Variants in YAF2 observed in about 807,000 individuals in gnomAD.
The protein encoded by YAF2 is YY1 associated factor 2.
YAF2 carries 7 observed loss-of-function variants against 20.1 expected under a neutral mutation model. The observed-to-expected ratio is 0.35, with a 90% confidence interval of 0.20 to 0.65. The LOEUF (loss-of-function observed/expected upper bound fraction) is 0.65. Ranked by LOEUF, YAF2 falls within the 30% of genes least tolerant of loss-of-function variation. The probability of loss-of-function intolerance (pLI) is 0.69; values close to 1 mark genes in which losing one functional copy is unlikely to be tolerated. For synonymous variants in YAF2, 74 were observed against 76.0 expected (o/e 0.97, Z 0.14); for missense variants, 151 against 219.2 (o/e 0.69, Z 1.96).
intron 2 of YAF2, among the ~76,000 whole-genome samples, chr12:42,177,188 T>C (rs1224955625): frequency 6.6e-6 from 1 of 152,192 alleles, no homozygotes; most frequent in East Asian, 1.9e-4. Context: ...CACAAGTCTC[T>C]ATGTGATATA....
chr12:42,205,294 T>C (rs1243841959), intron 2 of YAF2, among the ~76,000 whole-genome samples: 1 of 152,116 alleles, frequency 6.6e-6, no homozygotes, highest in Non-Finnish European at 1.5e-5. Flanking sequence ...GTCTCATCTA[T>C]TTTTCTTGGG....
chr12:42,168,697 A>G (rs2136983692), intron 2 of YAF2, among the ~76,000 whole-genome samples: 1 of 152,366 alleles, frequency 6.6e-6, no homozygotes, highest in East Asian at 1.9e-4. Flanking sequence ...ATTCACAGGA[A>G]CAAGCCACTG....
At chr12:42,220,420 A>G (rs2067479288) in intron 2 of YAF2, among the ~76,000 whole-genome samples, 1 of 152,254 alleles carries the variant, frequency 6.6e-6, no homozygotes, top group Admixed American at 6.5e-5. Flanking sequence ...CATAAAACAT[A>G]AAAGATTTTC....
rs73283707 is a variant in YAF2 at position 42,232,672 on chromosome 12, C to A, written c.152+4927G>T. The A allele has an allele frequency of 5.2e-3, 5,116 of 985,290 alleles. 208 individuals carry two copies. In the African/African-American group the frequency reaches 0.084, roughly 16 times the overall value. The allele number at this position is 985,290 out of a possible 1,614,324, so 61.0% of individuals were successfully genotyped here. On this transcript the variant is annotated intron_variant, in intron 2 of 3. Transcript: ENST00000534854. ...TTTCTCCCATTCCTACACCAAAAGT[C>A]TAGAAGAATCAGTGCCAAACCTCAA...
chr12:42,161,770 G>T lies in YAF2; in HGVS notation c.153-5C>A, dbSNP rs1212127455. The T allele has an allele frequency of 1.3e-6, 2 of 1,587,826 alleles. No homozygotes were observed. The highest frequency in any genetic ancestry group is 2.7e-5 in the African/African-American group (2 of 73,182). On this transcript the variant is annotated splice_region_variant and splice_polypyrimidine_tract_variant and intron_variant, in intron 2 of 3. Transcript: ENST00000534854. ...TGGGAGACAGGTCGAGGTTTCCTGT[G>T]TGCATGTTAAAAAGAAAGGTATTTT...
chr12:42,218,185 AACACACACACACACACACAC>A (rs71883885), intron 2 of YAF2, among the ~76,000 whole-genome samples: 4 of 140,608 alleles, frequency 2.8e-5, no homozygotes, highest in African/African-American at 1.0e-4. Flanking sequence ...GCTACTAGGA[AACACACACACACACACACAC>A]ACACACACAC....
chr12:42,215,481 T>C (rs2067326702), intron 2 of YAF2, among the ~76,000 whole-genome samples: 1 of 152,094 alleles, frequency 6.6e-6, no homozygotes, highest in South Asian at 2.1e-4. Context: ...ACAAATGAAG[T>C]TTTAAAATAT....
intron 2 of YAF2, among the ~76,000 whole-genome samples, chr12:42,166,814 G>A (rs1464357979): frequency 1.4e-5 from 2 of 147,380 alleles, no homozygotes; most frequent in Non-Finnish European, 3.0e-5. Context: ...ATTCTCAAAT[G>A]TGTTCAATGA....
At position 42,161,776 on chromosome 12, in the gene YAF2, G is replaced by A; in HGVS notation, c.153-11C>T. The A allele has an allele frequency of 6.3e-7, 1 of 1,585,058 alleles. No homozygotes were observed. The highest frequency in any genetic ancestry group is 1.7e-4 in the Middle Eastern group (1 of 5,996). The stretch of plus-strand genomic sequence containing the variant: ...ACAGGTCGAGGTTTCCTGTGTGCAT[G>A]TTAAAAAGAAAGGTATTTTAAATTA... On this transcript the variant is annotated splice_polypyrimidine_tract_variant and intron_variant, in intron 2 of 3. Coordinates refer to ENST00000534854, the MANE Select transcript of YAF2 (RefSeq NM_005748.6).
chr12:42,232,072 A>G (rs2067999151), intron 2 of YAF2: 1 of 152,218 alleles, frequency 6.6e-6, no homozygotes, highest in South Asian at 2.1e-4. Context: ...CTTTATGTGT[A>G]GTTCCCATTT....
chr12:42,203,412 C>T (rs1021737094), intron 2 of YAF2, among the ~76,000 whole-genome samples: 2 of 152,078 alleles, frequency 1.3e-5, no homozygotes, highest in Non-Finnish European at 2.9e-5. Context: ...CCTTTCCAAT[C>T]CTTTTGGATT....
chr12:42,232,720 T>C, intron 2 of YAF2: 2 of 985,390 alleles, frequency 2.0e-6, no homozygotes, highest in Non-Finnish European at 2.4e-6. Context: ...AAAGCAAGTA[T>C]GACAAGAAAA....
At chr12:42,169,178 CAA>C (rs929828449) in intron 2 of YAF2, among the ~76,000 whole-genome samples, 2 of 152,144 alleles carry the variant, frequency 1.3e-5, no homozygotes, top group African/African-American at 4.8e-5. Flanking sequence ...ATGCCAAAAC[CAA>C]AAGACAGCTT....
At chr12:42,231,869 A>C (rs2067993657) in intron 2 of YAF2, 1 of 152,222 alleles carries the variant, frequency 6.6e-6, no homozygotes, top group Admixed American at 6.5e-5. Context: ...TTTTCCTTGA[A>C]GTGATATATT....
intron 2 of YAF2, among the ~76,000 whole-genome samples, chr12:42,200,405 T>A (rs73281868): frequency 0.018 from 2,719 of 152,296 alleles, 80 homozygotes; most frequent in African/African-American, 0.061. Flanking sequence ...TTCTTATCCC[T>A]AGCACCTAGT....
intron 2 of YAF2, among the ~76,000 whole-genome samples, chr12:42,181,000 G>A (rs1370359647): frequency 2.0e-5 from 3 of 152,114 alleles, no homozygotes; most frequent in Non-Finnish European, 4.4e-5. Context: ...CAGAAAATCT[G>A]GTGCCCATAA....
chr12:42,235,359 T>C, intron 2 of YAF2: 1 of 1,016,018 alleles, frequency 9.8e-7, no homozygotes, highest in Non-Finnish European at 1.2e-6. Flanking sequence ...TTTAATCTTG[T>C]TTTTTTAACA....
intron 2 of YAF2, among the ~76,000 whole-genome samples, chr12:42,227,183 C>A (rs1190288464): frequency 6.9e-6 from 1 of 144,710 alleles, no homozygotes; most frequent in African/African-American, 2.6e-5. Flanking sequence ...ACGGGCCCCA[C>A]GGGGCCCGAG....
At chr12:42,217,998 C>T (rs756143921) in intron 2 of YAF2, among the ~76,000 whole-genome samples, 2 of 152,080 alleles carry the variant, frequency 1.3e-5, no homozygotes, top group Non-Finnish European at 2.9e-5. Flanking sequence ...CTCAGACAAT[C>T]CCAACCTTGA....
Sources: allele counts gnomAD v4.1 joint callset (sites outside exome capture counted in the v4.1 genomes callset), GRCh38; gene constraint gnomAD v4.1.1; transcripts MANE v1.5; gene names NCBI Gene and HGNC (gene_info 2026-07-23, HGNC 2026-07-21).